Variants in SPMIP11 observed in about 807,000 individuals in gnomAD.
SPMIP11 encodes long intergenic non-protein coding RNA 935.
the SPMIP11 span, among the ~76,000 whole-genome samples, chr12:48,757,000 T>C: frequency 6.6e-6 from 1 of 152,078 alleles, no homozygotes; most frequent in African/African-American, 2.4e-5. Flanking sequence ...GGTCTCAAAC[T>C]TCTGACCTCA....
chr12:48,761,278 C>G, the SPMIP11 span, among the ~76,000 whole-genome samples: 1 of 151,912 alleles, frequency 6.6e-6, no homozygotes, highest in South Asian at 2.1e-4. Context: ...GAAACCCCAT[C>G]TCAACTAAAA....
At chr12:48,770,549 G>T in the SPMIP11 span, among the ~76,000 whole-genome samples, 1 of 152,278 alleles carries the variant, frequency 6.6e-6, no homozygotes, top group East Asian at 1.9e-4. Flanking sequence ...TCCAATGAAA[G>T]GCGATAATAG....
the SPMIP11 span, among the ~76,000 whole-genome samples, chr12:48,740,882 A>G: frequency 1.3e-5 from 2 of 151,892 alleles, no homozygotes; most frequent in Non-Finnish European, 2.9e-5. Flanking sequence ...GTGAGACTCT[A>G]TCTTAAAAAA....
At chr12:48,729,272 A>G in the SPMIP11 span, among the ~76,000 whole-genome samples, 1 of 152,002 alleles carries the variant, frequency 6.6e-6, no homozygotes, top group Non-Finnish European at 1.5e-5. Flanking sequence ...GCGGTGGCTC[A>G]CGCCTGTAAT....
chr12:48,736,391 G>A, the SPMIP11 span, among the ~76,000 whole-genome samples: 2 of 143,170 alleles, frequency 1.4e-5, no homozygotes, highest in Non-Finnish European at 3.0e-5. Context: ...TCCAGCCTGG[G>A]CAACAGAGTG....
At chr12:48,764,268 C>T in the SPMIP11 span, among the ~76,000 whole-genome samples, 2 of 152,062 alleles carry the variant, frequency 1.3e-5, no homozygotes, top group African/African-American at 2.4e-5. Context: ...GAATTACAGG[C>T]GTGAGCCACC....
At chr12:48,759,312 G>C in the SPMIP11 span, 9 of 702,858 alleles carry the variant, frequency 1.3e-5, no homozygotes, top group Middle Eastern at 9.1e-4. Flanking sequence ...AAGCTGTCCG[G>C]AAGGTGTTGT....
At chr12:48,729,245 CA>C in the SPMIP11 span, among the ~76,000 whole-genome samples, 22 of 151,446 alleles carry the variant, frequency 1.5e-4, no homozygotes, top group Middle Eastern at 3.4e-3. Flanking sequence ...ACTAAAAATA[CA>C]AAAAAAGAGC....
At chr12:48,752,437 G>A in the SPMIP11 span, among the ~76,000 whole-genome samples, 1 of 152,128 alleles carries the variant, frequency 6.6e-6, no homozygotes, top group East Asian at 1.9e-4. Context: ...GAACTCTCAT[G>A]TCTACCAGTT....
chr12:48,737,944 T>A, the SPMIP11 span, among the ~76,000 whole-genome samples: 1 of 151,984 alleles, frequency 6.6e-6, no homozygotes, highest in African/African-American at 2.4e-5. Flanking sequence ...CAGCTCAGCC[T>A]CCCTGAGTAG....
the SPMIP11 span, chr12:48,771,091 T>G: frequency 6.2e-6 from 6 of 966,520 alleles, no homozygotes; most frequent in Non-Finnish European, 9.3e-6. This position sits in a 1 kb window ranked among gnomAD's most constrained non-coding sequence, Gnocchi z 4.3. Context: ...AGAGCCCCCT[T>G]CCAGCTGCTG....
the SPMIP11 span, among the ~76,000 whole-genome samples, chr12:48,755,140 C>T: frequency 2.0e-5 from 3 of 152,156 alleles, no homozygotes; most frequent in Non-Finnish European, 4.4e-5. Context: ...ACTTGTAATA[C>T]TGAGAAATCT....
the SPMIP11 span, among the ~76,000 whole-genome samples, chr12:48,732,300 G>A: frequency 6.6e-6 from 1 of 152,092 alleles, no homozygotes; most frequent in Non-Finnish European, 1.5e-5. Flanking sequence ...ATAGCAACCA[G>A]TTACCACTAA....
chr12:48,746,839 T>C, the SPMIP11 span, among the ~76,000 whole-genome samples: 1 of 151,972 alleles, frequency 6.6e-6, no homozygotes, highest in Admixed American at 6.6e-5. Context: ...GAGAATCACT[T>C]GAACCCGGGA....
At chr12:48,743,579 G>T in the SPMIP11 span, among the ~76,000 whole-genome samples, 1 of 152,016 alleles carries the variant, frequency 6.6e-6, no homozygotes, top group Admixed American at 6.6e-5. Context: ...GGCCAAGGCG[G>T]GCAGATTGCC....
the SPMIP11 span, among the ~76,000 whole-genome samples, chr12:48,762,433 T>C: frequency 1.5e-5 from 2 of 136,262 alleles, no homozygotes; most frequent in Non-Finnish European, 3.1e-5. Flanking sequence ...AATGGTGCGA[T>C]CTCGGCTCAC....
chr12:48,752,194 T>C, the SPMIP11 span, among the ~76,000 whole-genome samples: 1 of 152,144 alleles, frequency 6.6e-6, no homozygotes, highest in Non-Finnish European at 1.5e-5. Flanking sequence ...TTATAAATCA[T>C]ATGTAAGTTC....
chr12:48,741,862 T>C, the SPMIP11 span, among the ~76,000 whole-genome samples: 1 of 152,120 alleles, frequency 6.6e-6, no homozygotes, highest in Admixed American at 6.6e-5. Flanking sequence ...GCTATTCAAA[T>C]TCCTGAGCTC....
the SPMIP11 span, among the ~76,000 whole-genome samples, chr12:48,758,392 A>G: frequency 6.6e-6 from 1 of 152,182 alleles, no homozygotes; most frequent in Non-Finnish European, 1.5e-5. Context: ...TGGAAACAGG[A>G]TGCAGCTTCA....
Sources: gnomAD v4.1 joint callset for allele counts (sites outside exome capture counted in the v4.1 genomes callset) on GRCh38, gnomAD v4.1.1 for gene constraint, Gnocchi (gnomAD v3.1) non-coding constraint, MANE v1.5 for transcripts, NCBI Gene and HGNC (gene_info 2026-07-23, HGNC 2026-07-21) for gene names.